The following ALG13 variants were observed in gnomAD, a reference collection of about 807,000 sequenced individuals.
ALG13 encodes the protein ALG13 UDP-N-acetylglucosaminyltransferase subunit, also known as UDP-N-acetylglucosamine transferase subunit ALG13.
ALG13 carries 11 observed loss-of-function variants against 87.8 expected under a neutral mutation model. That is an observed-to-expected ratio of 0.13 (90% CI 0.08 to 0.21). The LOEUF (loss-of-function observed/expected upper bound fraction) is 0.21. Among genes scored for constraint, ALG13 ranks in the 10% least tolerant of loss-of-function variants. The probability of loss-of-function intolerance (pLI) is 1.00; values close to 1 mark genes in which losing one functional copy is unlikely to be tolerated. For missense variants in ALG13, 756 were observed against 866.1 expected, an observed-to-expected ratio of 0.87 and a Z score of 1.60; for synonymous variants, 320 against 306.3, an observed-to-expected ratio of 1.04 and a Z score of -0.47.
chrX:111,712,372 A>C (rs373076104), intron 6 of ALG13, 112 bp from the exon 7 acceptor site: 1 of 422,431 alleles, frequency 2.4e-6, no homozygotes. Flanking sequence ...AGTGTGTTCT[A>C]CAAATTCTTC....
intron 24 of ALG13, among the ~76,000 whole-genome samples, chrX:111,750,082 C>G (rs1051997719): frequency 5.4e-5 from 6 of 111,948 alleles, no homozygotes; most frequent in Admixed American, 9.5e-5. Context: ...AACCTTATCT[C>G]TTTCTACTCC....
intron 3 of ALG13, among the ~76,000 whole-genome samples, chrX:111,697,056 C>T (rs1006491602): frequency 1.9e-5 from 2 of 106,032 alleles, no homozygotes; most frequent in Non-Finnish European, 3.9e-5. Flanking sequence ...AGCTAACAGC[C>T]ATCCATATTT....
chrX:111,685,180 C>T, intron 3 of ALG13, 77 bp downstream of exon 3: 2 of 1,039,920 alleles, frequency 1.9e-6, no homozygotes, highest in East Asian at 3.2e-5. Flanking sequence ...CTACCTAACC[C>T]ATCTGTCTCT....
At chrX:111,707,952 C>T in intron 3 of ALG13, 75 bp from the exon 4 acceptor site, 4 of 1,047,589 alleles carry the variant, frequency 3.8e-6, no homozygotes, top group African/African-American at 1.9e-5. Context: ...GTACTTTCTC[C>T]CTCCCTCCCA....
chrX:111,696,982 CTT>C (rs55888261), intron 3 of ALG13, among the ~76,000 whole-genome samples: 999 of 74,109 alleles, frequency 0.013, 9 homozygotes, highest in African/African-American at 0.04. Context: ...TGGTTCTTAC[CTT>C]TTTTTTTTTT....
At chrX:111,687,293 A>G (rs1037526342) in intron 3 of ALG13, among the ~76,000 whole-genome samples, 1 of 112,417 alleles carries the variant, frequency 8.9e-6, no homozygotes, top group African/African-American at 3.2e-5. Flanking sequence ...TTTTCCCCAG[A>G]CCTAGGCTGG....
intron 3 of ALG13, 42 bp from the exon 4 acceptor site, chrX:111,707,985 C>G: frequency 8.6e-7 from 1 of 1,166,004 alleles, no homozygotes. Flanking sequence ...AGTCTGAGTT[C>G]CCTATTCCTA....
chrX:111,729,042 G>A lies in ALG13; in HGVS notation c.2368+737G>A, dbSNP rs916575021. On this transcript the variant is annotated intron_variant, in intron 19 of 26. Transcript: ENST00000394780. ...CATACCATCAACACAATTAATACTA[G>A]GACATTTTTATCACCACAATAGAGA... Among the ~76,000 whole-genome samples the A allele has an allele frequency of 9.0e-5, 10 of 111,454 alleles. No homozygotes were observed. The Admixed American group carries it at 9.6e-4, about 11-fold the overall frequency.
rs1944044559 is a variant in ALG13, at chrX:111,744,602, A to G, written c.2696-66A>G. ...ACCATACTGGAGACAAGAAAAGTAG[A>G]TGAGCCTACTGTTCATAAGGTGTTA... On this transcript the variant is annotated intron_variant, in intron 23 of 26. Coordinates refer to ENST00000394780, the MANE Select transcript of ALG13 (RefSeq NM_001099922.3). 2.3e-5 allele frequency: 25 copies of G among 1,074,290 alleles called. No homozygotes were observed. The South Asian group carries it at 4.8e-4, about 21-fold the overall frequency. 88.5% of individuals were successfully genotyped at this position (1,074,290 alleles called of 1,213,427 possible). A position where few individuals can be genotyped will look rare whatever the true frequency, so the allele number is the denominator to read the frequency against.
chrX:111,742,560 G>C (rs1943852734), intron 23 of ALG13, among the ~76,000 whole-genome samples: 1 of 112,142 alleles, frequency 8.9e-6, no homozygotes. Flanking sequence ...CAGGATCTGT[G>C]GGTCAGGTTT....
chrX:111,754,865 A>AATGTT (rs1444152373), intron 25 of ALG13, among the ~76,000 whole-genome samples: 3 of 112,150 alleles, frequency 2.7e-5, no homozygotes, highest in Non-Finnish European at 5.6e-5. Flanking sequence ...TTATAGATTC[A>AATGTT]ATGTTATTCC....
chrX:111,753,644 A>G (rs1944959435), intron 25 of ALG13, among the ~76,000 whole-genome samples: 1 of 111,927 alleles, frequency 8.9e-6, no homozygotes, highest in Non-Finnish European at 1.9e-5. Context: ...TACTATAAAC[A>G]CCTCTATGCA....
At position 111,733,876 on chromosome X, in the gene ALG13, G is replaced by T; in HGVS notation, c.2458-1175G>T. Among the ~76,000 whole-genome samples the T allele has an allele frequency of 2.7e-5, 3 of 111,713 alleles. No homozygotes were observed. In the South Asian group the frequency reaches 1.1e-3, roughly 42 times the overall value. ...CAGGAGCGAGGCGGTATCACATAAT[G>T]GTTCTTATTTGCATTTCCCTGATAA... On this transcript the variant is annotated intron_variant, in intron 21 of 26. Transcript: ENST00000394780.
rs763144656 is a variant in ALG13, at chrX:111,748,842, G to A, written c.2932+3938G>A. Among the ~76,000 whole-genome samples, 10 of 111,181 alleles carry A rather than the reference G, an allele frequency of 9.0e-5. No individual in the cohort carries two copies. The South Asian group carries it at 3.1e-3, about 34-fold the overall frequency. On this transcript the variant is annotated intron_variant, in intron 24 of 26. Coordinates refer to ENST00000394780, the MANE Select transcript of ALG13 (RefSeq NM_001099922.3). ...TGGCACCTGTAATCCTAACACTTTC[G>A]GAAGCCAAGGCAGGCAGATCAATTG...
intron 24 of ALG13, among the ~76,000 whole-genome samples, chrX:111,752,375 CAAG>C (rs1944828268): frequency 9.0e-6 from 1 of 111,148 alleles, no homozygotes; most frequent in Non-Finnish European, 1.9e-5. Context: ...ATTAATGTGG[CAAG>C]ATTACATTGA....
intron 24 of ALG13, among the ~76,000 whole-genome samples, chrX:111,746,551 G>A (rs1055429277): frequency 8.9e-6 from 1 of 111,967 alleles, no homozygotes; most frequent in African/African-American, 3.3e-5. Flanking sequence ...CTGTTCCACA[G>A]TTTGTCCATT....
At chrX:111,723,149 A>T (rs1941587883) in intron 13 of ALG13, among the ~76,000 whole-genome samples, 1 of 104,380 alleles carries the variant, frequency 9.6e-6, no homozygotes, top group Admixed American at 1.0e-4. Flanking sequence ...TTATTTATTT[A>T]TTTATTTTTA....
In ALG13 at chrX:111,718,156, G is replaced by C; in HGVS notation, c.1132G>C (p.Glu378Gln). Residue 378 changes from glutamate (E) to glutamine (Q), a missense_variant, in exon 10 of 27, where the codon GAA becomes CAA. Around this residue, in one of 9 missense-constraint regions of ALG13, gnomAD observed 48 missense variants for 50.5 expected, o/e 0.95. Coordinates refer to ENST00000394780, the MANE Select transcript of ALG13 (RefSeq NM_001099922.3). ...CTATAAAGATGTGTTTGTTGTGGAT[G>C]AAGAAGAGTTGAAGACTGCGATTAA... Reference protein sequence around the residue: ...ILYKDVFVVDEEELKTAIKLF... With the variant: ...ILYKDVFVVDQEELKTAIKLF... 8.6e-7 allele frequency: 1 copy of C among 1,166,762 alleles called. No individual in the cohort carries two copies.
chrX:111,705,356 TTTATATA>T (rs1315621102), intron 3 of ALG13, among the ~76,000 whole-genome samples: 1 of 112,131 alleles, frequency 8.9e-6, no homozygotes, highest in Non-Finnish European at 1.9e-5. Flanking sequence ...TTCAGAGTTC[TTTATATA>T]TTTTGGTACA....
Sources: allele counts gnomAD v4.1 joint callset (sites outside exome capture counted in the v4.1 genomes callset), GRCh38; gene constraint gnomAD v4.1.1; regional missense constraint gnomAD v4.1.1; transcripts MANE v1.5; gene names NCBI Gene and HGNC (gene_info 2026-07-23, HGNC 2026-07-21).